Variants in MAP4K3 observed in about 807,000 individuals in gnomAD.
MAP4K3 encodes the protein mitogen-activated protein kinase kinase kinase kinase 3.
In MAP4K3, 94 loss-of-function variants were observed where a neutral mutation model predicts 143.5. The observed-to-expected ratio is 0.65, with a 90% confidence interval of 0.55 to 0.78. MAP4K3 has a LOEUF of 0.78. Among genes scored for constraint, MAP4K3 ranks in the 30% least tolerant of loss-of-function variants. The pLI is 0.00. For missense variants in MAP4K3, 1,077 were observed against 1,068.1 expected (o/e 1.01, Z -0.12); for synonymous variants, 416 against 347.2 (o/e 1.20, Z -2.20).
chr2:39,418,471 G>C (rs865989469), intron 1 of MAP4K3, among the ~76,000 whole-genome samples: 14 of 152,212 alleles, frequency 9.2e-5, no homozygotes, highest in African/African-American at 3.1e-4. Flanking sequence ...AAGAGGTGAA[G>C]TTTAACTTCT....
At chr2:39,260,858 C>G (rs1680540691) in intron 28 of MAP4K3, 81 bp from the exon 29 acceptor site, 1 of 938,364 alleles carries the variant, frequency 1.1e-6, no homozygotes, top group Non-Finnish European at 1.6e-6. Context: ...AAACAGCTTT[C>G]TACAATAAAG....
intron 2 of MAP4K3, among the ~76,000 whole-genome samples, chr2:39,359,291 G>A (rs532174843): frequency 6.6e-6 from 1 of 152,192 alleles, no homozygotes; most frequent in East Asian, 1.9e-4. Context: ...AAATCTTAAA[G>A]TTCCAAAATG....
chr2:39,309,123 A>T (rs1407334217), intron 14 of MAP4K3, among the ~76,000 whole-genome samples: 1 of 151,986 alleles, frequency 6.6e-6, no homozygotes, highest in Non-Finnish European at 1.5e-5. Flanking sequence ...TTTAAAAAAA[A>T]TTTTATTTTA....
chr2:39,293,138 C>T (rs143585292), intron 17 of MAP4K3, 92 bp downstream of exon 17: 9,876 of 941,836 alleles, frequency 0.01, 70 homozygotes, highest in Middle Eastern at 0.017. Flanking sequence ...AAAAAGACAA[C>T]GCAAACAAAT....
intron 28 of MAP4K3, among the ~76,000 whole-genome samples, chr2:39,262,699 A>G (rs1680615994): frequency 6.6e-6 from 1 of 152,158 alleles, no homozygotes; most frequent in African/African-American, 2.4e-5. Flanking sequence ...GAGGGCAGCA[A>G]TTGTATCTAA....
chr2:39,294,239 C>T (rs758043975), intron 16 of MAP4K3: 1 of 152,086 alleles, frequency 6.6e-6, no homozygotes, highest in Non-Finnish European at 1.5e-5. Context: ...AATTACAAAA[C>T]ATAAAACTAG....
In MAP4K3 at chr2:39,254,484, T is replaced by C; in HGVS notation, c.2507A>G (p.His836Arg). ...LQDSVLAFWK[H>R]GMQGRSFRSN... is the part of the protein sequence containing the mutation. ...TCTAAAACTTCTACCTTGCATTCCATGTTTCCAGAAAGCTAGCACACTGTC... is the reference window on the plus strand; with the variant it reads ...TCTAAAACTTCTACCTTGCATTCCACGTTTCCAGAAAGCTAGCACACTGTC... The change falls in exon 32 of 34, where the codon CAT (histidine) becomes CGT (arginine). Residue 836 changes from histidine (H) to arginine (R), a missense_variant. This residue lies in a region of MAP4K3 where 864 missense variants were observed against 801.2 expected (regional missense o/e 1.08). Coordinates refer to ENST00000263881, the MANE Select transcript of MAP4K3 (RefSeq NM_003618.4). 1 of 1,613,968 alleles carries C rather than the reference T, an allele frequency of 6.2e-7. No individual in the cohort carries two copies. Among genetic ancestry groups the C allele is most frequent in the Non-Finnish European group, 8.5e-7 (1 of 1,179,906 alleles).
intron 15 of MAP4K3, among the ~76,000 whole-genome samples, chr2:39,300,298 C>T (rs569322756): frequency 1.8e-3 from 273 of 152,232 alleles, no homozygotes; most frequent in African/African-American, 6.2e-3. Context: ...AAGTAAATTA[C>T]GTATATGAAC....
rs572280387 is a variant in MAP4K3 at position 39,390,941 on chromosome 2, G to A, written c.97-12818C>T. ...GACCGACATACATCTCTTGAGTAATGACCTTATTCACCAATTTCTAACATC... is the reference window on the plus strand; with the variant it reads ...GACCGACATACATCTCTTGAGTAATAACCTTATTCACCAATTTCTAACATC... On this transcript the variant is annotated intron_variant, in intron 1 of 33. Coordinates refer to ENST00000263881, the MANE Select transcript of MAP4K3 (RefSeq NM_003618.4). 3.9e-5 allele frequency among the ~76,000 whole-genome samples: 6 copies of A among 152,234 alleles called. No individual in the cohort carries two copies. The East Asian group carries it at 7.7e-4, about 20-fold the overall frequency.
intron 18 of MAP4K3, among the ~76,000 whole-genome samples, chr2:39,291,162 G>GT (rs1340889906): frequency 6.6e-6 from 1 of 152,178 alleles, no homozygotes; most frequent in Admixed American, 6.5e-5. Flanking sequence ...AATGATAAAT[G>GT]TTTGAGATGA....
chr2:39,272,530 T>C lies in MAP4K3; in HGVS notation c.1807A>G (p.Arg603Gly). 1 of 1,613,264 alleles carries C rather than the reference T, an allele frequency of 6.2e-7. No individual in the cohort carries two copies. ...TTCATTACATACAACCATGTACACCTTCGAGGGAATAGCTGATTAAAAAAA... is the reference window on the plus strand; with the variant it reads ...TTCATTACATACAACCATGTACACCCTCGAGGGAATAGCTGATTAAAAAAA... The part of the protein sequence containing the change: ...ETSMEQLFPR[R>G]CTWLYVMNNC... The change falls in exon 25 of 34, where the codon AGG (arginine) becomes GGG (glycine). Residue 603 changes from arginine to glycine, a missense_variant. By Grantham distance (125) the Arg-to-Gly change is moderately radical. Around this residue, in one of 2 missense-constraint regions of MAP4K3, gnomAD observed 864 missense variants for 801.2 expected, o/e 1.08. Transcript: ENST00000263881.
chr2:39,341,312 A>G (rs1665132759), intron 4 of MAP4K3, among the ~76,000 whole-genome samples: 1 of 152,116 alleles, frequency 6.6e-6, no homozygotes, highest in Non-Finnish European at 1.5e-5. Context: ...TAAATAATCA[A>G]CTAATACTGA....
At chr2:39,335,957 T>C (rs1186968144) in intron 6 of MAP4K3, among the ~76,000 whole-genome samples, 2 of 151,836 alleles carry the variant, frequency 1.3e-5, no homozygotes, top group Non-Finnish European at 2.9e-5. Context: ...ATCTTTATGT[T>C]AGAGAAAATG....
At chr2:39,390,686 C>T (rs1666628036) in intron 1 of MAP4K3, among the ~76,000 whole-genome samples, 1 of 151,820 alleles carries the variant, frequency 6.6e-6, no homozygotes, top group African/African-American at 2.4e-5. Context: ...CATTAAGTGT[C>T]CCCAAATCAG....
At chr2:39,374,510 C>T (rs529117265) in intron 2 of MAP4K3, among the ~76,000 whole-genome samples, 276 of 151,880 alleles carry the variant, frequency 1.8e-3, no homozygotes, top group African/African-American at 6.2e-3. Context: ...AGTGAAACCC[C>T]GTCTCTACTA....
At chr2:39,314,891 G>T (rs1032492813) in intron 13 of MAP4K3, among the ~76,000 whole-genome samples, 4 of 152,180 alleles carry the variant, frequency 2.6e-5, no homozygotes, top group African/African-American at 9.7e-5. Context: ...AGGGCAGTTT[G>T]CAGACCTCTA....
At chr2:39,380,406 A>G (rs764246394) in intron 1 of MAP4K3, among the ~76,000 whole-genome samples, 3 of 152,172 alleles carry the variant, frequency 2.0e-5, no homozygotes, top group Non-Finnish European at 4.4e-5. Context: ...AAGGTTACAC[A>G]CAAAGGTAAA....
intron 1 of MAP4K3, among the ~76,000 whole-genome samples, chr2:39,408,001 T>C (rs1667141057): frequency 6.6e-6 from 1 of 152,046 alleles, no homozygotes; most frequent in South Asian, 2.1e-4. Flanking sequence ...CTCCATCCAC[T>C]GTTTTGTGCA....
At chr2:39,336,866 T>C in intron 6 of MAP4K3, 54 bp downstream of exon 6, 1 of 753,064 alleles carries the variant, frequency 1.3e-6, no homozygotes, top group Non-Finnish European at 2.1e-6. Context: ...AACAATTTGA[T>C]CAGAGTATTT....
Sources: allele counts gnomAD v4.1 joint callset (sites outside exome capture counted in the v4.1 genomes callset), GRCh38; gene constraint gnomAD v4.1.1; regional missense constraint gnomAD v4.1.1; transcripts MANE v1.5; gene names NCBI Gene and HGNC (gene_info 2026-07-23, HGNC 2026-07-21).